The following OSBPL11 variants were observed in gnomAD, a reference collection of about 807,000 sequenced individuals.
OSBPL11 encodes oxysterol binding protein like 11.
In OSBPL11, 33 loss-of-function variants were observed where a neutral mutation model predicts 84.4. That is an observed-to-expected ratio of 0.39 (90% CI 0.30 to 0.52). The LOEUF is 0.52. OSBPL11 is among the 20% of genes least tolerant of loss of function. The pLI is 0.72. For missense variants in OSBPL11, 736 were observed against 901.1 expected (o/e 0.82, Z 2.35); for synonymous variants, 276 against 310.2 (o/e 0.89, Z 1.16).
chr3:125,560,452 C>A lies in OSBPL11; in HGVS notation c.1082G>T (p.Gly361Val). The A allele has an allele frequency of 6.2e-7, 1 of 1,608,878 alleles. No homozygotes were observed. The highest frequency in any genetic ancestry group is 1.7e-5 in the Admixed American group (1 of 59,756). The change falls in exon 8 of 13, where the codon GGA becomes GTA. Residue 361 changes from glycine (G) to valine (V), a missense_variant. Gly to Val is a moderately radical substitution (Grantham distance 109, BLOSUM62 -3). Transcript: ENST00000296220. ...DTCDHKEDDL[G>V]AVEEQRSVIL... ...GACACTACGTTGTTCTTCTACAGCT[C>A]CCAGGTCATCCTCTTTGTGGTCACA...
At chr3:125,556,597 G>C (rs1377220459) in intron 8 of OSBPL11, among the ~76,000 whole-genome samples, 3 of 152,160 alleles carry the variant, frequency 2.0e-5, no homozygotes, top group Non-Finnish European at 1.5e-5. Flanking sequence ...TCACAAGAAA[G>C]GGCTCTTCTA....
chr3:125,551,387 T>C (rs1194995556), intron 9 of OSBPL11, among the ~76,000 whole-genome samples: 5 of 151,654 alleles, frequency 3.3e-5, no homozygotes, highest in Admixed American at 6.6e-5. Flanking sequence ...GTATAAAATA[T>C]TAAATTTATA....
chr3:125,564,763 T>G (rs549489372), intron 6 of OSBPL11, among the ~76,000 whole-genome samples: 30 of 151,990 alleles, frequency 2.0e-4, no homozygotes, highest in African/African-American at 6.7e-4. Context: ...CAAGTGATTA[T>G]CCTGCCTCAG....
chr3:125,552,102 C>A (rs1446127543), intron 9 of OSBPL11, 79 bp downstream of exon 9: 2 of 856,626 alleles, frequency 2.3e-6, no homozygotes, highest in African/African-American at 1.8e-5. Flanking sequence ...AACTTTCATT[C>A]CTGCTTGGAA....
At chr3:125,573,011 G>C (rs1335583003) in intron 5 of OSBPL11, among the ~76,000 whole-genome samples, 1 of 146,210 alleles carries the variant, frequency 6.8e-6, no homozygotes, top group Admixed American at 6.9e-5. Context: ...AGTATATATA[G>C]TGTGTGTGTG....
intron 5 of OSBPL11, among the ~76,000 whole-genome samples, chr3:125,569,608 A>ACT (rs1280176858): frequency 3.9e-5 from 6 of 152,352 alleles, no homozygotes; most frequent in African/African-American, 1.4e-4. Context: ...AATATAATTT[A>ACT]TGATCCAACA....
At position 125,563,854 on chromosome 3, in the gene OSBPL11, A is replaced by G. The variant is rs1164989573; in HGVS notation, c.869-11T>C. On this transcript the variant is annotated splice_polypyrimidine_tract_variant and intron_variant, in intron 6 of 12. Transcript: ENST00000296220. ...ACTCGATTGTCGTTCCTGATGGAGT[A>G]AGAGAAAACTTTCGCTGAAACTTGC... 9 of 1,608,114 alleles carry G rather than the reference A, an allele frequency of 5.6e-6. No homozygotes were observed. In the East Asian group the frequency reaches 2.0e-4, roughly 36 times the overall value.
intron 4 of OSBPL11, 25 bp from the exon 5 acceptor site, chr3:125,576,390 T>C: frequency 6.6e-7 from 1 of 1,519,142 alleles, no homozygotes; most frequent in African/African-American, 1.4e-5. Flanking sequence ...AAATCATTCC[T>C]TTTGTTTTCT....
intron 1 of OSBPL11, among the ~76,000 whole-genome samples, chr3:125,586,408 C>T (rs892769403): frequency 1.3e-5 from 2 of 152,054 alleles, no homozygotes; most frequent in African/African-American, 4.8e-5. Context: ...TTAAACTGTG[C>T]TAAGTGGCTT....
chr3:125,588,263 T>C (rs1936545858), intron 1 of OSBPL11, among the ~76,000 whole-genome samples: 1 of 145,822 alleles, frequency 6.9e-6, no homozygotes, highest in Non-Finnish European at 1.5e-5. Flanking sequence ...GTGCTACTGA[T>C]AAAGTAAGAT....
chr3:125,572,998 T>C (rs1431915006), intron 5 of OSBPL11, among the ~76,000 whole-genome samples: 2 of 148,398 alleles, frequency 1.3e-5, no homozygotes, highest in Non-Finnish European at 3.0e-5. Flanking sequence ...GTAAGATATA[T>C]ATAGTATATA....
rs747164023 is a variant in OSBPL11 at position 125,567,499 on chromosome 3, A to G, written c.763T>C (p.Leu255=). Residue 255 remains leucine (L), a synonymous_variant, in exon 6 of 13, where the codon TTA becomes CTA. Coordinates refer to ENST00000296220, the MANE Select transcript of OSBPL11 (RefSeq NM_022776.5). The stretch of plus-strand genomic sequence containing the variant: ...GCCATGGAAGTAGCTTTGAGCATTA[A>G]GAGATCCTGGTCCAAGGAACTAAGA... ...GHLSSLDQDL[L]MLKATSMATM... is the part of the protein sequence containing the mutation. 8.1e-6 allele frequency: 13 copies of G among 1,614,002 alleles called. No homozygotes were observed. Among genetic ancestry groups the G allele is most frequent in the African/African-American group, 1.3e-5 (1 of 74,936 alleles).
intron 1 of OSBPL11, 101 bp from the exon 2 acceptor site, chr3:125,583,079 A>C: frequency 1.4e-6 from 1 of 721,168 alleles, no homozygotes; most frequent in African/African-American, 1.9e-5. Context: ...TATATGCTCT[A>C]TAAATGCCTC....
chr3:125,560,449 G>T lies in OSBPL11; in HGVS notation c.1085C>A (p.Ala362Asp). ...TCDHKEDDLG[A>D]VEEQRSVILH... ...GATGACACTACGTTGTTCTTCTACA[G>T]CTCCCAGGTCATCCTCTTTGTGGTC... is the stretch of plus-strand genomic sequence containing the variant. Residue 362 changes from alanine (A) to aspartate (D), a missense_variant, in exon 8 of 13, where the codon GCT becomes GAT. Transcript: ENST00000296220. The T allele has an allele frequency of 6.2e-7, 1 of 1,608,644 alleles. No individual in the cohort carries two copies. Among genetic ancestry groups the T allele is most frequent in the Non-Finnish European group, 8.5e-7 (1 of 1,176,870 alleles).
In OSBPL11 at chr3:125,552,436, C is replaced by T. The variant is rs200816516; in HGVS notation, c.1399G>A (p.Glu467Lys). The change falls in exon 9 of 13, where the codon GAG becomes AAG. Residue 467 changes from glutamate (E) to lysine (K), a missense_variant. Glu to Lys is a moderately conservative substitution (Grantham distance 56, BLOSUM62 1). Transcript: ENST00000296220. Reference protein sequence around the residue: ...FHCSWKMPKSEVASSVFSSSS... With the variant: ...FHCSWKMPKSKVASSVFSSSS... ...CTGCTAAAAACACTGGATGCTACCTCGCTTTTTGGCATCTTCCAGGAACAG... is the reference window on the plus strand; with the variant it reads ...CTGCTAAAAACACTGGATGCTACCTTGCTTTTTGGCATCTTCCAGGAACAG... 59 of 1,614,152 alleles carry T rather than the reference C, an allele frequency of 3.7e-5. No individual in the cohort carries two copies. Among genetic ancestry groups the T allele is most frequent in the Admixed American group, 1.0e-4 (6 of 60,024 alleles).
At chr3:125,537,527 A>C (rs1935660525) in intron 11 of OSBPL11, among the ~76,000 whole-genome samples, 1 of 152,212 alleles carries the variant, frequency 6.6e-6, no homozygotes, top group Non-Finnish European at 1.5e-5. Flanking sequence ...CCCTGTAAGA[A>C]TTCTTTAAAA....
rs765258415 is a variant in OSBPL11, at chr3:125,560,556, C to T, written c.1015-37G>A. 11 of 1,501,584 alleles carry T rather than the reference C, an allele frequency of 7.3e-6. No individual in the cohort carries two copies. In the South Asian group the frequency reaches 1.2e-4, roughly 17 times the overall value. The allele number at this position is 1,501,584 out of a possible 1,614,324, so 93.0% of individuals were successfully genotyped here. The stretch of plus-strand genomic sequence containing the variant: ...ACAAAGCAAAAGTCTAGTATTTTAA[C>T]TACCTATTCATATCCATTGAGAACA... On this transcript the variant is annotated intron_variant, in intron 7 of 12. Transcript: ENST00000296220.
At chr3:125,545,713 G>A (rs550729818) in intron 10 of OSBPL11, among the ~76,000 whole-genome samples, 170 of 152,204 alleles carry the variant, frequency 1.1e-3, no homozygotes, top group Non-Finnish European at 2.0e-3. Context: ...CCTAAAGTGA[G>A]TGTGGAAAAT....
intron 4 of OSBPL11, among the ~76,000 whole-genome samples, chr3:125,578,738 T>C (rs762457382): frequency 5.3e-5 from 8 of 151,896 alleles, no homozygotes; most frequent in Admixed American, 5.3e-4. Context: ...GCCACTGCAC[T>C]CTAGCCTGGG....
Sources: allele counts gnomAD v4.1 joint callset (sites outside exome capture counted in the v4.1 genomes callset), GRCh38; gene constraint gnomAD v4.1.1; transcripts MANE v1.5; gene names NCBI Gene and HGNC (gene_info 2026-07-23, HGNC 2026-07-21).